MGRN1: variants seen among roughly 807,000 people sequenced by gnomAD.
MGRN1 encodes E3 ubiquitin-protein ligase MGRN1.
A neutral mutation model predicts 69.2 loss-of-function variants in MGRN1; 29 were observed. The observed-to-expected ratio is 0.42, with a 90% CI of 0.31 to 0.57. The LOEUF (loss-of-function observed/expected upper bound fraction) is 0.57. MGRN1 is among the 20% of genes least tolerant of loss of function. The probability of loss-of-function intolerance (pLI) is 0.15; values close to 1 mark genes in which losing one functional copy is unlikely to be tolerated. For synonymous variants in MGRN1, 470 were observed against 344.2 expected, an observed-to-expected ratio of 1.37 and a Z score of -4.04; for missense variants, 998 against 796.2, an observed-to-expected ratio of 1.25 and a Z score of -3.05.
chr16:4,652,876 G>T, intron 4 of MGRN1, 52 bp downstream of exon 4: 2 of 1,530,198 alleles, frequency 1.3e-6, no homozygotes, highest in Admixed American at 2.0e-5. Flanking sequence ...CCAGACTCCT[G>T]GGGGAGGCTT....
chr16:4,670,184 T>C (rs2078906735), intron 8 of MGRN1, among the ~76,000 whole-genome samples: 2 of 152,030 alleles, frequency 1.3e-5, no homozygotes, highest in Admixed American at 1.3e-4. Context: ...TCGTTCAGGC[T>C]CCCAAGTAGC....
chr16:4,663,365 GTTTTTTTTTTT>G (rs1183914569), intron 5 of MGRN1, among the ~76,000 whole-genome samples: 2 of 61,804 alleles, frequency 3.2e-5, no homozygotes, highest in Admixed American at 4.3e-4. Flanking sequence ...ACCTGGCCTT[GTTTTTTTTTTT>G]TTTTTTTTTT....
chr16:4,626,402 C>G (rs1384806019), intron 1 of MGRN1, among the ~76,000 whole-genome samples: 3 of 152,198 alleles, frequency 2.0e-5, no homozygotes, highest in Non-Finnish European at 4.4e-5. Context: ...TCTTTCATCT[C>G]TGATATTCTT....
chr16:4,628,252 G>A (rs1201871468), intron 1 of MGRN1, among the ~76,000 whole-genome samples: 1 of 151,722 alleles, frequency 6.6e-6, no homozygotes, highest in Non-Finnish European at 1.5e-5. Flanking sequence ...CAGGTGTGGT[G>A]GCAGGCGCTT....
At chr16:4,625,099 A>G in intron 1 of MGRN1, 51 bp downstream of exon 1, 1 of 1,468,818 alleles carries the variant, frequency 6.8e-7, no homozygotes, top group Non-Finnish European at 9.0e-7. Flanking sequence ...TGGAACGCGG[A>G]CCCGGCGGGC....
At chr16:4,658,867 T>A (rs370599464) in intron 5 of MGRN1, 1 of 151,968 alleles carries the variant, frequency 6.6e-6, no homozygotes, top group Non-Finnish European at 1.5e-5. Flanking sequence ...TGTGGTGGTA[T>A]TTGCCTGTAG....
chr16:4,670,516 G>C (rs777097434), intron 8 of MGRN1, among the ~76,000 whole-genome samples: 4 of 152,240 alleles, frequency 2.6e-5, no homozygotes, highest in Non-Finnish European at 1.5e-5. Flanking sequence ...AAAGTGCTGG[G>C]ATGATAGGTG....
At chr16:4,652,566 C>T (rs1567194130) in intron 3 of MGRN1, 112 bp from the exon 4 acceptor site, 11 of 1,334,370 alleles carry the variant, frequency 8.2e-6, no homozygotes, top group South Asian at 4.5e-5. Flanking sequence ...ACTGGAGAAG[C>T]GGGCTGTGTC....
At chr16:4,633,188 G>A (rs1250187896) in intron 1 of MGRN1, among the ~76,000 whole-genome samples, 2 of 151,900 alleles carry the variant, frequency 1.3e-5, no homozygotes. Context: ...AGGAGTTTGA[G>A]AGCAGCCTGG....
intron 9 of MGRN1, among the ~76,000 whole-genome samples, chr16:4,673,086 C>A (rs1296552594): frequency 6.6e-6 from 1 of 152,234 alleles, no homozygotes; most frequent in African/African-American, 2.4e-5. Context: ...GATCTGCCCG[C>A]CTCAGCCTCC....
chr16:4,637,198 G>A (rs915596102), intron 1 of MGRN1, among the ~76,000 whole-genome samples: 2 of 151,750 alleles, frequency 1.3e-5, no homozygotes, highest in Non-Finnish European at 2.9e-5. Context: ...GGGAGGCTGA[G>A]GCGGGCAGAT....
chr16:4,662,827 G>A lies in MGRN1; in HGVS notation c.562-1882G>A, dbSNP rs149855780. ...GTGTCTGTTGGTTCTGAGCATTGCTGTTCAGGGGCGGGTGCTTGGCTGCGG... is the reference window on the plus strand; with the variant it reads ...GTGTCTGTTGGTTCTGAGCATTGCTATTCAGGGGCGGGTGCTTGGCTGCGG... On this transcript the variant is annotated intron_variant, in intron 5 of 16. Coordinates refer to ENST00000262370, the MANE Select transcript of MGRN1 (RefSeq NM_015246.4). 7.9e-3 allele frequency among the ~76,000 whole-genome samples: 1,201 copies of A among 152,334 alleles called. 13 individuals are homozygous for A. Among genetic ancestry groups the A allele is most frequent in the Non-Finnish European group, 0.013 (863 of 68,018 alleles).
intron 5 of MGRN1, among the ~76,000 whole-genome samples, chr16:4,660,424 C>T (rs1431844846): frequency 6.6e-6 from 1 of 152,222 alleles, no homozygotes; most frequent in South Asian, 2.1e-4. Context: ...CCTCCCCAGA[C>T]CGTTGGTTTT....
In MGRN1 at chr16:4,661,066, C is replaced by T. The variant is rs374709676; in HGVS notation, c.562-3643C>T. ...GCACAATCACAGCTTGCCGCAGCCT[C>T]GAACTCCTGGGTTAAGCGATCCTCT... On this transcript the variant is annotated intron_variant, in intron 5 of 16. Transcript: ENST00000262370. Among the ~76,000 whole-genome samples the T allele has an allele frequency of 2.4e-4, 36 of 152,172 alleles. No individual in the cohort carries two copies. The South Asian group carries it at 5.8e-3, about 25-fold the overall frequency.
At chr16:4,639,487 C>T (rs1015198718) in intron 1 of MGRN1, among the ~76,000 whole-genome samples, 1 of 152,164 alleles carries the variant, frequency 6.6e-6, no homozygotes, top group African/African-American at 2.4e-5. Flanking sequence ...CATCATTAGG[C>T]TGGGGGCATC....
Position 4,681,560 on chromosome 16 carries a change from GC to G in MGRN1, c.1143del (p.Ser381ArgfsTer117). On this transcript the variant is annotated frameshift_variant, in exon 13 of 17. Transcript: ENST00000262370. LOFTEE classifies it high-confidence loss of function. ...ACCCTGTCCCTACAGAACTCTGACA[GC>G]GTCCCACCTGGCTACGAGCCCATCT... ...KKPKRETNSDSVPPGYEPISL... is the reference protein window; with the variant it reads ...KKPKRETNSDXVPPGYEPISL... 6.2e-7 allele frequency: 1 copy of G among 1,612,640 alleles called. No homozygotes were observed.
In MGRN1 at chr16:4,651,945, C is replaced by T. The variant is rs781105562; in HGVS notation, c.208-18C>T. 3.1e-6 allele frequency: 5 copies of T among 1,613,068 alleles called. No homozygotes were observed. Among genetic ancestry groups the T allele is most frequent in the Non-Finnish European group, 4.2e-6 (5 of 1,179,118 alleles). Reference sequence around the variant, plus strand: ...GCTCCTGAGGGAGTCACCTGGGGCCCTGTGGTTTTTCTCCTAGTTTCCCTA... The same window carrying T: ...GCTCCTGAGGGAGTCACCTGGGGCCTTGTGGTTTTTCTCCTAGTTTCCCTA... On this transcript the variant is annotated intron_variant, in intron 2 of 16. Transcript: ENST00000262370.
intron 12 of MGRN1, chr16:4,680,473 A>C: frequency 1.4e-5 from 3 of 216,144 alleles, no homozygotes; most frequent in Non-Finnish European, 2.8e-5. Flanking sequence ...CCGCTCCTTT[A>C]CCCTGCGGGT....
intron 8 of MGRN1, among the ~76,000 whole-genome samples, chr16:4,668,829 C>T (rs1287456362): frequency 6.6e-6 from 1 of 152,100 alleles, no homozygotes; most frequent in East Asian, 1.9e-4. Flanking sequence ...CACTCATACA[C>T]ATACCCACAC....
Sources: gnomAD v4.1 joint callset for allele counts (sites outside exome capture counted in the v4.1 genomes callset) on GRCh38, gnomAD v4.1.1 for gene constraint, MANE v1.5 for transcripts, NCBI Gene and HGNC (gene_info 2026-07-23, HGNC 2026-07-21) for gene names.